The following EIF2AK3 variants were observed in gnomAD, a reference collection of about 807,000 sequenced individuals.
EIF2AK3 encodes eukaryotic translation initiation factor 2-alpha kinase 3.
In EIF2AK3, 50 loss-of-function variants were observed where a neutral mutation model predicts 113.5. The observed-to-expected ratio is 0.44, with a 90% CI of 0.35 to 0.56. The LOEUF is 0.56. Among genes scored for constraint, EIF2AK3 ranks in the 20% least tolerant of loss-of-function variants. The pLI is 0.00. For missense variants in EIF2AK3, 1,185 were observed against 1,378.0 expected, an observed-to-expected ratio of 0.86 and a Z score of 2.22; for synonymous variants, 448 against 495.4, an observed-to-expected ratio of 0.90 and a Z score of 1.27.
At chr2:88,572,326 A>G (rs540992567) in intron 13 of EIF2AK3, among the ~76,000 whole-genome samples, 1 of 152,204 alleles carries the variant, frequency 6.6e-6, no homozygotes, top group Non-Finnish European at 1.5e-5. Context: ...CTGTGCTTCC[A>G]GCAGAAGTAT....
intron 2 of EIF2AK3, among the ~76,000 whole-genome samples, chr2:88,605,153 T>C (rs1675239160): frequency 6.6e-6 from 1 of 152,182 alleles, no homozygotes; most frequent in Non-Finnish European, 1.5e-5. Context: ...CTAAGGTAAT[T>C]TGTATGTGTT....
chr2:88,558,970 C>A lies in EIF2AK3; in HGVS notation c.3097G>T (p.Asp1033Tyr), dbSNP rs995615422. 6.3e-7 allele frequency: 1 copy of A among 1,593,416 alleles called. No individual in the cohort carries two copies. The highest frequency in any genetic ancestry group is 8.6e-7 in the Non-Finnish European group (1 of 1,162,366). Reference protein sequence around the residue: ...TQMERVRTLTDVRNLKFPPLF... With the variant: ...TQMERVRTLTYVRNLKFPPLF... ...GGTGGAAATTTGAGATTTCTTACATCAGTTAAGGTCTAAAAAGAAAAAAAG... is the reference window on the plus strand; with the variant it reads ...GGTGGAAATTTGAGATTTCTTACATAAGTTAAGGTCTAAAAAGAAAAAAAG... The change falls in exon 16 of 17, where the codon GAT (aspartate) becomes TAT (tyrosine). Residue 1033 changes from aspartate to tyrosine, a missense_variant. Transcript: ENST00000303236.
intron 1 of EIF2AK3, among the ~76,000 whole-genome samples, chr2:88,625,284 T>TACGTAC: frequency 7.4e-6 from 1 of 135,260 alleles, no homozygotes; most frequent in South Asian, 2.6e-4. Flanking sequence ...ATCGCTTACG[T>TACGTAC]ACACACACAC....
At position 88,613,845 on chromosome 2, in the gene EIF2AK3, A is replaced by T; in HGVS notation, c.317T>A (p.Val106Glu). 6.2e-7 allele frequency: 1 copy of T among 1,612,394 alleles called. No homozygotes were observed. Among genetic ancestry groups the T allele is most frequent in the African/African-American group, 1.3e-5 (1 of 75,034 alleles). Residue 106 changes from valine to glutamate, a missense_variant, in exon 2 of 17, where the codon GTA (valine) becomes GAA (glutamate). Transcript: ENST00000303236. ...TELRPRGRSLVIISTLDGRIA... is the reference protein window; with the variant it reads ...TELRPRGRSLEIISTLDGRIA... ...TCTCCCATCTAAAGTGCTGATAATTACTAATGACCTGTAAATATTAAAAAT... is the reference window on the plus strand; with the variant it reads ...TCTCCCATCTAAAGTGCTGATAATTTCTAATGACCTGTAAATATTAAAAAT...
chr2:88,583,567 C>CT lies in EIF2AK3; in HGVS notation c.1651-26dup, dbSNP rs747471936. 9 of 1,545,748 alleles carry CT rather than the reference C, an allele frequency of 5.8e-6. No homozygotes were observed. In the Admixed American group the frequency reaches 1.5e-4, roughly 26 times the overall value. ...GCTGATAAGGTGAAAAACAAAATCA[C>CT]TACCAGTACAAAGCTGAACTGAAGT... is the stretch of plus-strand genomic sequence containing the variant. On this transcript the variant is annotated intron_variant, in intron 9 of 16. Transcript: ENST00000303236.
chr2:88,599,970 T>C (rs993580209), intron 2 of EIF2AK3, among the ~76,000 whole-genome samples: 1 of 152,214 alleles, frequency 6.6e-6, no homozygotes, highest in Non-Finnish European at 1.5e-5. Flanking sequence ...TTTGATATCA[T>C]TGACCATACT....
chr2:88,562,781 AC>A (rs1447037349), intron 14 of EIF2AK3, among the ~76,000 whole-genome samples: 3 of 152,164 alleles, frequency 2.0e-5, no homozygotes, highest in African/African-American at 7.2e-5. Context: ...CTTAGTCCTA[AC>A]CCATTTTTAT....
At chr2:88,579,279 A>G (rs995775401) in intron 11 of EIF2AK3, among the ~76,000 whole-genome samples, 2 of 152,232 alleles carry the variant, frequency 1.3e-5, no homozygotes, top group Non-Finnish European at 2.9e-5. Context: ...AAGCCACTAA[A>G]CGAAAGTCCT....
chr2:88,568,898 G>GT (rs34472220), intron 14 of EIF2AK3, among the ~76,000 whole-genome samples: 24 of 151,100 alleles, frequency 1.6e-4, no homozygotes, highest in South Asian at 1.3e-3. Flanking sequence ...TTGACAGAGA[G>GT]TTTTTTTTTC....
intron 2 of EIF2AK3, among the ~76,000 whole-genome samples, chr2:88,602,722 GT>G (rs1361163047): frequency 7.9e-5 from 12 of 151,982 alleles, no homozygotes; most frequent in Admixed American, 6.6e-5. Context: ...CACCATTAAT[GT>G]TCTCACTTGT....
chr2:88,562,734 G>T (rs1673999026), intron 14 of EIF2AK3, among the ~76,000 whole-genome samples: 1 of 152,150 alleles, frequency 6.6e-6, no homozygotes, highest in South Asian at 2.1e-4. Flanking sequence ...TTTTCAAAGG[G>T]AACGCTATCT....
intron 3 of EIF2AK3, chr2:88,594,109 C>T (rs1229895372): frequency 5.8e-6 from 1 of 171,252 alleles, no homozygotes; most frequent in Non-Finnish European, 1.2e-5. Flanking sequence ...AGAAAAGCAT[C>T]TGCAAGAGCA....
At position 88,585,932 on chromosome 2, in the gene EIF2AK3, T is replaced by C; in HGVS notation, c.1559A>G (p.His520Arg). The C allele has an allele frequency of 6.2e-7, 1 of 1,614,144 alleles. No homozygotes were observed. The highest frequency in any genetic ancestry group is 8.5e-7 in the Non-Finnish European group (1 of 1,179,994). ...CGTTGCAACTATTTCTTTCCACCAG[T>C]GTAAAAGAAGAACAGGATCCTTTTT... ...IRKKDPVLLL[H>R]WWKEIVATIL... The change falls in exon 9 of 17, where the codon CAC becomes CGC. Residue 520 changes from histidine to arginine, a missense_variant. Coordinates refer to ENST00000303236, the MANE Select transcript of EIF2AK3 (RefSeq NM_004836.7).
In EIF2AK3 at chr2:88,557,700, T is replaced by G; in HGVS notation, c.*36A>C. ...ATATTCTAAGAAGTAGGCTATTATC[T>G]GCATCACCTATTAGGGTTGCTAGCA... On this transcript the variant is annotated 3_prime_UTR_variant, in exon 17 of 17. Transcript: ENST00000303236. 1 of 1,604,928 alleles carries G rather than the reference T, an allele frequency of 6.2e-7. No individual in the cohort carries two copies. Among genetic ancestry groups the G allele is most frequent in the Non-Finnish European group, 8.5e-7 (1 of 1,171,622 alleles).
rs540917395 is a variant in EIF2AK3, at chr2:88,605,745, T to C, written c.438+7979A>G. Among the ~76,000 whole-genome samples, 299 of 152,124 alleles carry C rather than the reference T, an allele frequency of 2.0e-3. 2 individuals carry two copies. The highest frequency in any genetic ancestry group is 6.7e-3 in the African/African-American group (279 of 41,518). ...GAGCAACTGACTACACTACTAGATA[T>C]CAGAATTGACTATTTGTGACTTAAA... On this transcript the variant is annotated intron_variant, in intron 2 of 16. Transcript: ENST00000303236.
At chr2:88,608,413 C>T (rs886227479) in intron 2 of EIF2AK3, among the ~76,000 whole-genome samples, 1 of 152,222 alleles carries the variant, frequency 6.6e-6, no homozygotes, top group Middle Eastern at 3.4e-3. Flanking sequence ...CATTCTAACA[C>T]AGGAGTCCCC....
At chr2:88,599,238 A>C (rs938157354) in intron 2 of EIF2AK3, among the ~76,000 whole-genome samples, 1 of 152,188 alleles carries the variant, frequency 6.6e-6, no homozygotes, top group African/African-American at 2.4e-5. Flanking sequence ...ATTTTCAGTA[A>C]GTTCTCAAGT....
chr2:88,618,317 T>C (rs2103976352), intron 1 of EIF2AK3, among the ~76,000 whole-genome samples: 1 of 152,268 alleles, frequency 6.6e-6, no homozygotes, highest in Middle Eastern at 3.4e-3. Flanking sequence ...GATGAAAAAC[T>C]CTTAACTTAT....
chr2:88,559,710 T>C (rs139046535), intron 15 of EIF2AK3, among the ~76,000 whole-genome samples: 3 of 152,318 alleles, frequency 2.0e-5, no homozygotes, highest in African/African-American at 7.2e-5. Context: ...CTGAATGATA[T>C]AAAAGTGGAC....
Sources: gnomAD v4.1 joint callset for allele counts (sites outside exome capture counted in the v4.1 genomes callset) on GRCh38, gnomAD v4.1.1 for gene constraint, MANE v1.5 for transcripts, NCBI Gene and HGNC (gene_info 2026-07-23, HGNC 2026-07-21) for gene names.